SNX29: variants seen among roughly 807,000 people sequenced by gnomAD.
SNX29 encodes sorting nexin 29.
SNX29 carries 78 observed loss-of-function variants against 102.1 expected under a neutral mutation model. The ratio of observed to expected loss-of-function variants is 0.76; its 90% CI spans 0.64 to 0.92. The LOEUF (loss-of-function observed/expected upper bound fraction) is 0.92. Ranked by LOEUF, SNX29 falls within the 40% of genes least tolerant of loss-of-function variation. SNX29 has a pLI of 0.00. For missense variants in SNX29, 1,280 were observed against 1,061.7 expected, an observed-to-expected ratio of 1.21 and a Z score of -2.86; for synonymous variants, 580 against 414.5, an observed-to-expected ratio of 1.40 and a Z score of -4.85.
intron 15 of SNX29, among the ~76,000 whole-genome samples, chr16:12,328,104 A>C (rs1416354401): frequency 6.6e-6 from 1 of 152,176 alleles, no homozygotes; most frequent in African/African-American, 2.4e-5. Flanking sequence ...ATGGAGCTGC[A>C]CATACCTCTC....
intron 11 of SNX29, among the ~76,000 whole-genome samples, chr16:12,083,288 A>G (rs888873034): frequency 6.7e-5 from 10 of 149,900 alleles, no homozygotes; most frequent in Non-Finnish European, 1.3e-4. Flanking sequence ...CCTGGGCGAC[A>G]GAGCAAGACT....
chr16:11,982,611 A>G (rs1188893731), intron 1 of SNX29, among the ~76,000 whole-genome samples: 2 of 151,698 alleles, frequency 1.3e-5, no homozygotes, highest in Non-Finnish European at 2.9e-5. Flanking sequence ...TTGTATTTTT[A>G]GTAGAGATGG....
Position 12,403,192 on chromosome 16 carries a change from T to TTG in SNX29, c.1956-248_1956-247dup, listed in dbSNP as rs1321237155. ...GCTCTTTCACATTCCGGAGTACAGA[T>TTG]TGTGTGTGTATGTGTGTGTGTGTGT... On this transcript the variant is annotated intron_variant, in intron 17 of 20. Transcript: ENST00000566228. Among the ~76,000 whole-genome samples, 249 of 129,700 alleles carry TTG rather than the reference T, an allele frequency of 1.9e-3. 3 individuals are homozygous for TTG. Among genetic ancestry groups the TTG allele is most frequent in the East Asian group, 6.2e-3 (27 of 4,374 alleles). 85.1% of individuals were successfully genotyped at this position (129,700 alleles called of 152,430 possible).
Position 12,316,684 on chromosome 16 carries a change from G to A in SNX29, c.1782+38648G>A, listed in dbSNP as rs80100932. ...GCCCCGTTCCACATCTTAAGGTCCCGCTCACTGGGCTTGGTTAGGGCAGGC... is the reference window on the plus strand; with the variant it reads ...GCCCCGTTCCACATCTTAAGGTCCCACTCACTGGGCTTGGTTAGGGCAGGC... On this transcript the variant is annotated intron_variant, in intron 15 of 20. Transcript: ENST00000566228. Among the ~76,000 whole-genome samples, 423 of 152,118 alleles carry A rather than the reference G, an allele frequency of 2.8e-3. 1 individual carries two copies. Among genetic ancestry groups the A allele is most frequent in the African/African-American group, 9.7e-3 (401 of 41,492 alleles).
Position 12,462,593 on chromosome 16 carries a change from TACACACAC to T in SNX29, c.2038-15115_2038-15108del, listed in dbSNP as rs35348415. On this transcript the variant is annotated intron_variant, in intron 18 of 20. Coordinates refer to ENST00000566228, the MANE Select transcript of SNX29 (RefSeq NM_032167.5). ...AGTCTTATTTCTGGGGATTTCATTA[TACACACAC>T]ACACACACACGTGACTGGAGTCATA... 8.4e-4 allele frequency among the ~76,000 whole-genome samples: 127 copies of T among 151,034 alleles called. 1 individual carries two copies. The highest frequency in any genetic ancestry group is 3.0e-3 in the African/African-American group (122 of 41,236).
chr16:12,069,782 C>A (rs1010674011), intron 10 of SNX29, among the ~76,000 whole-genome samples: 2 of 152,238 alleles, frequency 1.3e-5, no homozygotes, highest in African/African-American at 4.8e-5. Context: ...GCTCTGCCTG[C>A]TGTGTTCACG....
rs774286884 is a variant in SNX29 at position 12,277,954 on chromosome 16, A to G, written c.1700A>G (p.Asp567Gly). Residue 567 changes from aspartate (D) to glycine (G), a missense_variant, in exon 15 of 21, where the codon GAT (aspartate) becomes GGT (glycine). Transcript: ENST00000566228. Reference sequence around the variant, plus strand: ...AAAGTGCCAAATCTTTGGAGTGTTGATGGAGAAGTTACAGTAGCTGAACAG... The same window carrying G: ...AAAGTGCCAAATCTTTGGAGTGTTGGTGGAGAAGTTACAGTAGCTGAACAG... ...TAEVPNLWSV[D>G]GEVTVAEQKP... The G allele has an allele frequency of 5.9e-5, 95 of 1,608,690 alleles. No individual in the cohort carries two copies. In the Middle Eastern group the frequency reaches 6.6e-4, roughly 11 times the overall value.
intron 18 of SNX29, among the ~76,000 whole-genome samples, chr16:12,420,631 C>A (rs980902986): frequency 6.6e-6 from 1 of 152,156 alleles, no homozygotes; most frequent in Non-Finnish European, 1.5e-5. Context: ...TGTCTCCATA[C>A]AAGGAGATAA....
At chr16:11,987,213 T>C (rs1382201825) in intron 1 of SNX29, among the ~76,000 whole-genome samples, 1 of 151,794 alleles carries the variant, frequency 6.6e-6, no homozygotes, top group African/African-American at 2.4e-5. Flanking sequence ...TACAGGTGTG[T>C]GCCACCATAC....
chr16:11,987,039 A>G (rs146350131), intron 1 of SNX29, among the ~76,000 whole-genome samples: 19 of 152,192 alleles, frequency 1.2e-4, no homozygotes, highest in Non-Finnish European at 2.4e-4. Flanking sequence ...TTAACTCCCT[A>G]TTGAAGAAGT....
At chr16:12,204,626 C>T (rs2077000325) in intron 14 of SNX29, among the ~76,000 whole-genome samples, 1 of 152,226 alleles carries the variant, frequency 6.6e-6, no homozygotes, top group African/African-American at 2.4e-5. Flanking sequence ...TCAAAATAAT[C>T]AGCAGCAAGG....
intron 13 of SNX29, among the ~76,000 whole-genome samples, chr16:12,163,075 T>C (rs1347045811): frequency 6.6e-6 from 1 of 152,086 alleles, no homozygotes; most frequent in Non-Finnish European, 1.5e-5. Flanking sequence ...AGAGATGGGG[T>C]TTCACCATGT....
chr16:12,351,076 G>A (rs1482356318), intron 15 of SNX29, among the ~76,000 whole-genome samples: 1 of 152,178 alleles, frequency 6.6e-6, no homozygotes, highest in Admixed American at 6.5e-5. Context: ...TCACTTCCTT[G>A]TCCTGACATT....
rs555025812 is a variant in SNX29, at chr16:12,452,772, C to T, written c.2038-24947C>T. ...GAGAGGAGCCGGGTGGTGAAGGTGT[C>T]GGCAGGCATGGTGCTGTGGGACAGG... is the stretch of plus-strand genomic sequence containing the variant. On this transcript the variant is annotated intron_variant, in intron 18 of 20. Transcript: ENST00000566228. 8.5e-5 allele frequency among the ~76,000 whole-genome samples: 13 copies of T among 152,208 alleles called. No homozygotes were observed. The East Asian group carries it at 1.4e-3, about 16-fold the overall frequency.
chr16:12,310,194 T>C (rs2080491328), intron 15 of SNX29, among the ~76,000 whole-genome samples: 1 of 152,182 alleles, frequency 6.6e-6, no homozygotes, highest in South Asian at 2.1e-4. Context: ...AGTTCTCTCA[T>C]GTCAGAGATC....
chr16:11,981,477 C>T (rs1159634525), intron 1 of SNX29, among the ~76,000 whole-genome samples: 1 of 152,102 alleles, frequency 6.6e-6, no homozygotes, highest in Non-Finnish European at 1.5e-5. Flanking sequence ...AATCTCTCTC[C>T]TTTTCCCCCT....
At chr16:12,103,873 A>G (rs1328741349) in intron 11 of SNX29, among the ~76,000 whole-genome samples, 1 of 152,192 alleles carries the variant, frequency 6.6e-6, no homozygotes, top group Non-Finnish European at 1.5e-5. Flanking sequence ...TGTATTCTTA[A>G]TGTTTCCTTG....
intron 11 of SNX29, among the ~76,000 whole-genome samples, chr16:12,118,336 T>TTTTTTTTTTTTTTTTTA (rs1555464077): frequency 1.4e-5 from 2 of 145,358 alleles, no homozygotes; most frequent in African/African-American, 5.2e-5. Flanking sequence ...TTTTTTTTTT[T>TTTTTTTTTTTTTTTTTA]ATGAGATGGA....
chr16:12,339,118 AG>A (rs2081538004), intron 15 of SNX29, among the ~76,000 whole-genome samples: 1 of 152,210 alleles, frequency 6.6e-6, no homozygotes, highest in South Asian at 2.1e-4. Context: ...CTGTAATTCC[AG>A]CATTTTGGGA....
Sources: gnomAD v4.1 joint callset for allele counts (sites outside exome capture counted in the v4.1 genomes callset) on GRCh38, gnomAD v4.1.1 for gene constraint, MANE v1.5 for transcripts, NCBI Gene and HGNC (gene_info 2026-07-23, HGNC 2026-07-21) for gene names.